POFUT3: variants seen among roughly 807,000 people sequenced by gnomAD.
POFUT3 encodes the protein protein O-fucosyltransferase 3, also known as GDP-fucose protein O-fucosyltransferase 3.
the POFUT3 span, among the ~76,000 whole-genome samples, chr8:33,326,318 C>G: frequency 6.6e-6 from 1 of 152,080 alleles, no homozygotes. Context: ...CCCTCCAGTA[C>G]CCTTAAGTCA....
At chr8:33,318,688 T>G in the POFUT3 span, among the ~76,000 whole-genome samples, 557 of 67,516 alleles carry the variant, frequency 8.2e-3, no homozygotes, top group Middle Eastern at 0.02. Flanking sequence ...TATATATATT[T>G]TATATATATT....
At chr8:33,469,803 CTTTTTT>C in the POFUT3 span, among the ~76,000 whole-genome samples, 15 of 108,764 alleles carry the variant, frequency 1.4e-4, no homozygotes, top group East Asian at 2.9e-4. Flanking sequence ...TTTACTTTTT[CTTTTTT>C]TTTTTTTTTT....
chr8:33,430,817 A>G, the POFUT3 span, among the ~76,000 whole-genome samples: 1 of 152,154 alleles, frequency 6.6e-6, no homozygotes, highest in African/African-American at 2.4e-5. Context: ...CATGTTGGTC[A>G]GGCTGGTCTC....
chr8:33,457,459 G>A, the POFUT3 span, among the ~76,000 whole-genome samples: 3 of 152,148 alleles, frequency 2.0e-5, no homozygotes, highest in African/African-American at 7.2e-5. Flanking sequence ...ACATGCCACT[G>A]CACTCCAGCC....
the POFUT3 span, among the ~76,000 whole-genome samples, chr8:33,400,169 G>A: frequency 2.5e-3 from 375 of 149,228 alleles, no homozygotes; most frequent in Middle Eastern, 0.034. Context: ...GGGTGGGGAG[G>A]GGCCAGGCGT....
chr8:33,377,980 C>A, the POFUT3 span, among the ~76,000 whole-genome samples: 1 of 152,168 alleles, frequency 6.6e-6, no homozygotes, highest in Admixed American at 6.5e-5. Flanking sequence ...AAACAGGTAA[C>A]AAGAAATCAG....
At chr8:33,394,618 A>T in the POFUT3 span, among the ~76,000 whole-genome samples, 36 of 152,146 alleles carry the variant, frequency 2.4e-4, no homozygotes, top group East Asian at 6.2e-3. Context: ...ACCAATGCCA[A>T]TTTCCTATAA....
chr8:33,458,242 C>T, the POFUT3 span, among the ~76,000 whole-genome samples: 1 of 146,354 alleles, frequency 6.8e-6, no homozygotes, highest in African/African-American at 2.6e-5. Context: ...TGATCTTGGA[C>T]TTCCCAGTCT....
the POFUT3 span, among the ~76,000 whole-genome samples, chr8:33,463,270 C>T: frequency 1.3e-5 from 2 of 151,932 alleles, no homozygotes; most frequent in African/African-American, 4.8e-5. Flanking sequence ...TTTGGGAGGC[C>T]GAAGCAGGTG....
the POFUT3 span, among the ~76,000 whole-genome samples, chr8:33,436,976 T>G: frequency 1.3e-5 from 2 of 152,118 alleles, no homozygotes; most frequent in East Asian, 3.9e-4. Flanking sequence ...CTGGGTACCC[T>G]ATGTTGAGTT....
At chr8:33,370,075 T>C in the POFUT3 span, among the ~76,000 whole-genome samples, 1 of 144,004 alleles carries the variant, frequency 6.9e-6, no homozygotes, top group Non-Finnish European at 1.5e-5. Flanking sequence ...CTCAGGCCTA[T>C]AATCCCAGCA....
At chr8:33,459,275 G>C in the POFUT3 span, among the ~76,000 whole-genome samples, 1 of 152,098 alleles carries the variant, frequency 6.6e-6, no homozygotes, top group Non-Finnish European at 1.5e-5. Context: ...AGGAGGTGGA[G>C]GTTTCAGTGA....
the POFUT3 span, among the ~76,000 whole-genome samples, chr8:33,457,290 A>T: frequency 1.1e-4 from 17 of 152,192 alleles, no homozygotes; most frequent in African/African-American, 4.1e-4. Context: ...TCTTCTAAAA[A>T]TACAAAAAAT....
the POFUT3 span, among the ~76,000 whole-genome samples, chr8:33,398,779 C>T: frequency 6.6e-6 from 1 of 152,128 alleles, no homozygotes; most frequent in Non-Finnish European, 1.5e-5. Flanking sequence ...ACACTGAAGA[C>T]GATCTCAGAT....
At chr8:33,309,173 T>A in the POFUT3 span, among the ~76,000 whole-genome samples, 1,620 of 73,978 alleles carry the variant, frequency 0.022, 27 homozygotes, top group Admixed American at 0.044. Context: ...AAAAAATATA[T>A]ATATATATAT....
chr8:33,453,079 G>A, the POFUT3 span: 7 of 841,634 alleles, frequency 8.3e-6, no homozygotes, highest in Non-Finnish European at 1.3e-5. Flanking sequence ...GCCTTCCACA[G>A]AGCAAATGCA....
the POFUT3 span, among the ~76,000 whole-genome samples, chr8:33,400,114 C>T: frequency 6.8e-6 from 1 of 147,908 alleles, no homozygotes. Flanking sequence ...ATTAAAGTTC[C>T]CTTTGTTAAG....
chr8:33,355,745 T>G, the POFUT3 span, among the ~76,000 whole-genome samples: 3 of 152,206 alleles, frequency 2.0e-5, no homozygotes, highest in East Asian at 5.8e-4. Flanking sequence ...TATGTATACA[T>G]GTGCCATGCT....
At chr8:33,375,609 T>C in the POFUT3 span, among the ~76,000 whole-genome samples, 1 of 152,076 alleles carries the variant, frequency 6.6e-6, no homozygotes, top group African/African-American at 2.4e-5. Flanking sequence ...AAACTGTATA[T>C]GTAAGGGGGA....
Sources: allele counts gnomAD v4.1 joint callset (sites outside exome capture counted in the v4.1 genomes callset), GRCh38; gene constraint gnomAD v4.1.1; transcripts MANE v1.5; gene names NCBI Gene and HGNC (gene_info 2026-07-23, HGNC 2026-07-21).